The following RAB40A variants were observed in gnomAD, a reference collection of about 807,000 sequenced individuals.
The protein encoded by RAB40A is ras-related protein Rab-40A.
For missense variants in RAB40A, 145 were observed against 230.2 expected, an observed-to-expected ratio of 0.63 and a Z score of 2.40; for synonymous variants, 65 against 99.9, an observed-to-expected ratio of 0.65 and a Z score of 2.08.
chrX:103,503,740 A>G (rs138078971), intron 2 of RAB40A, among the ~76,000 whole-genome samples: 1,290 of 111,014 alleles, frequency 0.012, 22 homozygotes, highest in African/African-American at 0.039. Flanking sequence ...AACGATAGCA[A>G]TCTCTGTGTA....
intron 2 of RAB40A, chrX:103,501,921 C>T (rs1239593788): frequency 8.1e-6 from 1 of 123,202 alleles, no homozygotes; most frequent in Non-Finnish European, 1.9e-5. Flanking sequence ...GAAATGGAAA[C>T]ACACTTATCA....
intron 2 of RAB40A, chrX:103,502,640 TAGC>T (rs1260966116): frequency 1.5e-6 from 1 of 674,176 alleles, no homozygotes; most frequent in Non-Finnish European, 1.8e-6. Flanking sequence ...GGGGCCACAA[TAGC>T]AGGGGAGTGG....
chrX:103,493,274 T>A, the RAB40A span, among the ~76,000 whole-genome samples: 1 of 111,584 alleles, frequency 9.0e-6, no homozygotes, highest in East Asian at 2.8e-4. Context: ...AATTGAGGGT[T>A]TTAAAATCTT....
chrX:103,517,520 G>A lies in RAB40A; in HGVS notation c.-217C>T, dbSNP rs991926377. The A allele has an allele frequency of 4.5e-5, 5 of 111,335 alleles. No individual in the cohort carries two copies. Among genetic ancestry groups the A allele is most frequent in the East Asian group, 2.8e-4 (1 of 3,549 alleles). The allele number at this position is 111,335 out of a possible 1,213,427, so 9.2% of individuals were successfully genotyped here. ...GCTCAATAAGAACTCCTTCACCCAC[G>A]TCACACTAGAAAGAAAATAAGAGAG... On this transcript the variant is annotated 5_prime_UTR_variant, in exon 2 of 3. The change creates a new upstream start codon in the 5' untranslated region. Transcript: ENST00000304236.
intron 2 of RAB40A, among the ~76,000 whole-genome samples, chrX:103,505,568 C>T (rs1037697619): frequency 3.6e-5 from 4 of 111,362 alleles, no homozygotes; most frequent in African/African-American, 6.5e-5. Flanking sequence ...AAACTAAAAA[C>T]GTTAAGCGCC....
intron 2 of RAB40A, among the ~76,000 whole-genome samples, chrX:103,510,103 C>T (rs934323963): frequency 8.9e-6 from 1 of 112,287 alleles, no homozygotes; most frequent in Non-Finnish European, 1.9e-5. Flanking sequence ...CGTGCCCAAC[C>T]GAAATATTCC....
intron 2 of RAB40A, among the ~76,000 whole-genome samples, chrX:103,509,755 T>A (rs2073278454): frequency 9.5e-6 from 1 of 105,247 alleles, no homozygotes; most frequent in South Asian, 4.4e-4. Flanking sequence ...TTATGACCAG[T>A]TTTTTCATCA....
At position 103,500,768 on chromosome X, in the gene RAB40A, C is replaced by T. The variant is rs760596038; in HGVS notation, c.-12G>A. 25 of 1,202,647 alleles carry T rather than the reference C, an allele frequency of 2.1e-5. No homozygotes were observed. The South Asian group carries it at 3.4e-4, about 17-fold the overall frequency. ...CCCGGGGCGCTCATGGTGCTGGCCC[C>T]GCACTCCCGCCTGAGCCAGGCCCGC... On this transcript the variant is annotated 5_prime_UTR_variant, in exon 3 of 3. Transcript: ENST00000304236.
chrX:103,509,437 T>C (rs1203164639), intron 2 of RAB40A, among the ~76,000 whole-genome samples: 3 of 43,740 alleles, frequency 6.9e-5, no homozygotes, highest in Non-Finnish European at 1.2e-4. Context: ...TCCCCTCTCC[T>C]CCCCTCTCCC....
chrX:103,501,672 G>A (rs2073228732), intron 2 of RAB40A: 1 of 123,373 alleles, frequency 8.1e-6, no homozygotes. Flanking sequence ...TGGTTCACAG[G>A]TGAAGAAACG....
In RAB40A at chrX:103,499,960, G is replaced by C. The variant is rs758294266; in HGVS notation, c.797C>G (p.Pro266Arg). 5 of 1,209,299 alleles carry C rather than the reference G, an allele frequency of 4.1e-6. No homozygotes were observed. Among genetic ancestry groups the C allele is most frequent in the Non-Finnish European group, 5.6e-6 (5 of 894,324 alleles). Residue 266 changes from proline (P) to arginine (R), a missense_variant, in exon 3 of 3, where the codon CCC becomes CGC. Transcript: ENST00000304236. Reference protein sequence around the residue: ...VEIVCPPQSPPKNCTRNSCKI... With the variant: ...VEIVCPPQSPRKNCTRNSCKI... ...GCAGCTGTTTCTGGTGCAGTTTTTG[G>C]GTGGGCTCTGGGGTGGGCAGACGAT...
At chrX:103,515,466 C>A (rs1395903735) in intron 2 of RAB40A, among the ~76,000 whole-genome samples, 1 of 111,717 alleles carries the variant, frequency 9.0e-6, no homozygotes, top group Non-Finnish European at 1.9e-5. Context: ...ATGTTTAAGT[C>A]TTTTGAGGAA....
chrX:103,519,218 G>A, intron 1 of RAB40A, among the ~76,000 whole-genome samples, 152 bp downstream of exon 1: 1 of 111,640 alleles, frequency 9.0e-6, no homozygotes, highest in South Asian at 3.8e-4. Flanking sequence ...TTTAAGTTCT[G>A]GGATACATGT....
At chrX:103,508,459 G>A (rs749620341) in intron 2 of RAB40A, among the ~76,000 whole-genome samples, 26 of 111,978 alleles carry the variant, frequency 2.3e-4, no homozygotes, top group Non-Finnish European at 3.8e-4. Flanking sequence ...GGGTTAATGA[G>A]AAAACTTTCC....
Position 103,499,914 on chromosome X carries a change from G to A in RAB40A, c.*9C>T, listed in dbSNP as rs771715235. On this transcript the variant is annotated 3_prime_UTR_variant, in exon 3 of 3. Coordinates refer to ENST00000304236, the MANE Select transcript of RAB40A (RefSeq NM_080879.3). Reference sequence around the variant, plus strand: ...AGCGATTCCAGCTTGTTTCCTTTTGGTGCCTTCCTTAAGAAATTTTGCAGC... The same window carrying A: ...AGCGATTCCAGCTTGTTTCCTTTTGATGCCTTCCTTAAGAAATTTTGCAGC... 10 of 1,207,646 alleles carry A rather than the reference G, an allele frequency of 8.3e-6. No homozygotes were observed. Among genetic ancestry groups the A allele is most frequent in the African/African-American group, 1.7e-5 (1 of 57,147 alleles).
chrX:103,514,850 T>A (rs185065312), intron 2 of RAB40A, among the ~76,000 whole-genome samples: 1 of 112,196 alleles, frequency 8.9e-6, no homozygotes, highest in East Asian at 2.8e-4. Flanking sequence ...GAAATAAATA[T>A]ATAATTAATC....
chrX:103,512,276 G>C lies in RAB40A; in HGVS notation c.-71+5098C>G, dbSNP rs763601581. ...GTGGTACTATGTACAGCAGCCATAG[G>C]AAACTAATACAAAGCCTTAGTTTTG... On this transcript the variant is annotated intron_variant, in intron 2 of 2. Coordinates refer to ENST00000304236, the MANE Select transcript of RAB40A (RefSeq NM_080879.3). Among the ~76,000 whole-genome samples, 5 of 110,715 alleles carry C rather than the reference G, an allele frequency of 4.5e-5. No individual in the cohort carries two copies. In the South Asian group the frequency reaches 1.9e-3, roughly 43 times the overall value.
At position 103,504,068 on chromosome X, in the gene RAB40A, A is replaced by AT. The variant is rs755527013; in HGVS notation, c.-70-3243dup. On this transcript the variant is annotated intron_variant, in intron 2 of 2. Transcript: ENST00000304236. Reference sequence around the variant, plus strand: ...ATCTGGAGGCTATTATCCTAAGTAAATTAACACAGGAACAAAAAACCAAAT... The same window carrying AT: ...ATCTGGAGGCTATTATCCTAAGTAAATTTAACACAGGAACAAAAAACCAAAT... 3.6e-5 allele frequency among the ~76,000 whole-genome samples: 4 copies of AT among 112,013 alleles called. No homozygotes were observed. In the East Asian group the frequency reaches 1.1e-3, roughly 31 times the overall value.
chrX:103,501,863 T>C (rs2073230072), intron 2 of RAB40A: 1 of 121,276 alleles, frequency 8.2e-6, no homozygotes, highest in South Asian at 3.7e-4. Context: ...AAAAAGGCTC[T>C]GTGTGTGTCT....
Sources: gnomAD v4.1 joint callset for allele counts (sites outside exome capture counted in the v4.1 genomes callset) on GRCh38, gnomAD v4.1.1 for gene constraint, MANE v1.5 for transcripts, NCBI Gene and HGNC (gene_info 2026-07-23, HGNC 2026-07-21) for gene names.